The following MAPKAPK3 variants were observed in gnomAD, a reference collection of about 807,000 sequenced individuals.
MAPKAPK3 encodes MAPK activated protein kinase 3, also known as MAP kinase-activated protein kinase 3.
Under a neutral mutation model 49.2 loss-of-function variants are expected in MAPKAPK3, and 35 were observed. That is an observed-to-expected ratio of 0.71 (90% CI 0.54 to 0.94). MAPKAPK3 has a LOEUF of 0.94. Ranked by LOEUF, MAPKAPK3 falls within the 40% of genes least tolerant of loss-of-function variation. The pLI, the probability that MAPKAPK3 is intolerant of heterozygous loss-of-function variation, is 0.00. For missense variants in MAPKAPK3, 398 were observed against 493.1 expected (o/e 0.81, Z 1.83); for synonymous variants, 178 against 188.7 (o/e 0.94, Z 0.46).
intron 4 of MAPKAPK3, 40 bp from the exon 5 acceptor site, chr3:50,642,213 T>A: frequency 7.2e-7 from 1 of 1,388,210 alleles, no homozygotes; most frequent in Non-Finnish European, 1.0e-6. Flanking sequence ...GCTTGACCTT[T>A]GACTGGCATC....
chr3:50,633,394 C>T lies in MAPKAPK3; in HGVS notation c.220-6972C>T, dbSNP rs185827463. ...ACACCCATGCACACACCCCTACACA[C>T]GATGTATGCATGCATGCACACATTC... On this transcript the variant is annotated intron_variant, in intron 2 of 10. Coordinates refer to ENST00000621469, the MANE Select transcript of MAPKAPK3 (RefSeq NM_001243925.2). Among the ~76,000 whole-genome samples, 394 of 152,016 alleles carry T rather than the reference C, an allele frequency of 2.6e-3. 1 individual carries two copies. The highest frequency in any genetic ancestry group is 4.6e-3 in the Non-Finnish European group (311 of 67,950).
At chr3:50,619,791 A>G (rs1488087727) in intron 2 of MAPKAPK3, among the ~76,000 whole-genome samples, 3 of 152,148 alleles carry the variant, frequency 2.0e-5, no homozygotes, top group Admixed American at 1.3e-4. Context: ...CCCCTTCCCC[A>G]TAGATGCTAT....
Position 50,617,667 on chromosome 3 carries a change from C to T in MAPKAPK3, c.102C>T (p.Pro34=). Residue 34 remains proline (P), a synonymous_variant, in exon 2 of 11, where the codon CCC becomes CCT. Transcript: ENST00000621469. ...GTGCTCCGGGGGGGCGGCGGGAGCC[C>T]AAGAAGTACGCAGTGACCGACGACT... ...LGGAPGGRRE[P]KKYAVTDDYQ... 1 of 1,612,538 alleles carries T rather than the reference C, an allele frequency of 6.2e-7. No homozygotes were observed. The highest frequency in any genetic ancestry group is 8.5e-7 in the Non-Finnish European group (1 of 1,179,238).
intron 3 of MAPKAPK3, 122 bp downstream of exon 3, chr3:50,640,627 C>T: frequency 7.9e-7 from 1 of 1,260,284 alleles, no homozygotes; most frequent in Admixed American, 2.4e-5. Flanking sequence ...ACTGTAGCCC[C>T]TGAGGGGCAA....
chr3:50,645,679 T>G, intron 6 of MAPKAPK3, 31 bp from the exon 7 acceptor site: 4 of 1,597,338 alleles, frequency 2.5e-6, no homozygotes, highest in Non-Finnish European at 3.4e-6. Flanking sequence ...CCCTTGGGTC[T>G]GAGAGCCCTG....
chr3:50,634,930 G>A (rs2032998785), intron 2 of MAPKAPK3, among the ~76,000 whole-genome samples: 1 of 152,120 alleles, frequency 6.6e-6, no homozygotes, highest in Non-Finnish European at 1.5e-5. Context: ...GCAATGATGT[G>A]GGAGTGGTAC....
chr3:50,637,700 AG>A (rs1178484237), intron 2 of MAPKAPK3, among the ~76,000 whole-genome samples: 16 of 10,232 alleles, frequency 1.6e-3, no homozygotes, highest in Non-Finnish European at 6.9e-3. Flanking sequence ...AGAAAGAGAG[AG>A]AGAGAGAGAG....
At position 50,645,738 on chromosome 3, in the gene MAPKAPK3, T is replaced by C. The variant is rs2107601608; in HGVS notation, c.657T>C (p.Tyr219=). The C allele has an allele frequency of 6.2e-7, 1 of 1,614,138 alleles. No homozygotes were observed. The highest frequency in any genetic ancestry group is 1.3e-5 in the African/African-American group (1 of 75,026). The change falls in exon 7 of 11, where the codon TAT becomes TAC. Residue 219 remains tyrosine (Y), a synonymous_variant. Coordinates refer to ENST00000621469, the MANE Select transcript of MAPKAPK3 (RefSeq NM_001243925.2). ...CTGAGGTCCTGGGTCCAGAGAAGTA[T>C]GACAAGTCATGTGACATGTGGTCCC... The part of the protein sequence containing the change: ...VAPEVLGPEK[Y]DKSCDMWSLG...
At chr3:50,627,975 G>A (rs1384835844) in intron 2 of MAPKAPK3, among the ~76,000 whole-genome samples, 4 of 152,194 alleles carry the variant, frequency 2.6e-5, no homozygotes, top group African/African-American at 7.2e-5. Context: ...GGATGAGGGA[G>A]AGATGCTGAG....
At chr3:50,623,741 G>C (rs2032667014) in intron 2 of MAPKAPK3, among the ~76,000 whole-genome samples, 1 of 152,208 alleles carries the variant, frequency 6.6e-6, no homozygotes, top group Admixed American at 6.5e-5. Context: ...GTGAGCCTAG[G>C]CAGTTTGATG....
chr3:50,636,138 A>G (rs904215080), intron 2 of MAPKAPK3, among the ~76,000 whole-genome samples: 63 of 151,978 alleles, frequency 4.1e-4, no homozygotes, highest in Non-Finnish European at 5.9e-4. Context: ...CTATTACCTG[A>G]GTTAGTGCTC....
chr3:50,640,781 G>C (rs2033161881), intron 3 of MAPKAPK3, among the ~76,000 whole-genome samples: 1 of 152,226 alleles, frequency 6.6e-6, no homozygotes, highest in African/African-American at 2.4e-5. Context: ...TGGAAGAGCT[G>C]TCAGAGAAGG....
intron 2 of MAPKAPK3, 132 bp downstream of exon 2, chr3:50,617,916 T>A: frequency 1.4e-6 from 1 of 695,968 alleles, no homozygotes; most frequent in Non-Finnish European, 2.4e-6. Context: ...TACTGTCCTG[T>A]AAGGTCAGGC....
At chr3:50,645,664 C>T in intron 6 of MAPKAPK3, 46 bp from the exon 7 acceptor site, 2 of 1,536,342 alleles carry the variant, frequency 1.3e-6, no homozygotes, top group South Asian at 2.2e-5. Context: ...GCCTGGGCTC[C>T]AAGACCCTTG....
At chr3:50,621,798 A>G (rs943043155) in intron 2 of MAPKAPK3, among the ~76,000 whole-genome samples, 4 of 152,110 alleles carry the variant, frequency 2.6e-5, no homozygotes, top group African/African-American at 4.8e-5. Flanking sequence ...AAAAGCAATA[A>G]AAGGCCTTAT....
intron 2 of MAPKAPK3, among the ~76,000 whole-genome samples, chr3:50,637,693 AAGAGAG>A (rs34205773): frequency 2.0e-3 from 296 of 145,000 alleles, no homozygotes; most frequent in Non-Finnish European, 2.4e-3. Flanking sequence ...CAGAGAGAGA[AAGAGAG>A]AGAGAGAGAG....
chr3:50,639,039 C>T (rs1014578767), intron 2 of MAPKAPK3, among the ~76,000 whole-genome samples: 1 of 152,168 alleles, frequency 6.6e-6, no homozygotes, highest in Admixed American at 6.5e-5. Flanking sequence ...CTTCTTCTCC[C>T]CCTACAGCAG....
chr3:50,645,818 C>T, intron 7 of MAPKAPK3, 33 bp downstream of exon 7: 2 of 1,597,958 alleles, frequency 1.3e-6, no homozygotes, highest in Non-Finnish European at 1.7e-6. Flanking sequence ...GCCTCCATCT[C>T]CTGCCCTTAC....
At position 50,648,887 on chromosome 3, in the gene MAPKAPK3, C is replaced by T. The variant is rs2033369428; in HGVS notation, c.*841C>T. ...TCACCAGATCTCAGGCAGGAAAGCC[C>T]CTCTCTGTTGAAGTCAGGGGCTATC... is the stretch of plus-strand genomic sequence containing the variant. On this transcript the variant is annotated 3_prime_UTR_variant, in exon 11 of 11. Transcript: ENST00000621469. 1 of 152,264 alleles carries T rather than the reference C, an allele frequency of 6.6e-6. No homozygotes were observed. Among genetic ancestry groups the T allele is most frequent in the African/African-American group, 2.4e-5 (1 of 41,468 alleles). The allele number at this position is 152,264 out of a possible 1,614,324, so 9.4% of individuals were successfully genotyped here. A position where few individuals can be genotyped will look rare whatever the true frequency, so the allele number is the denominator to read the frequency against.
Sources: allele counts gnomAD v4.1 joint callset (sites outside exome capture counted in the v4.1 genomes callset), GRCh38; gene constraint gnomAD v4.1.1; transcripts MANE v1.5; gene names NCBI Gene and HGNC (gene_info 2026-07-23, HGNC 2026-07-21).